Variants in RNF220 observed in about 807,000 individuals in gnomAD.
The protein encoded by RNF220 is ring finger protein 220.
A neutral mutation model predicts 67.1 loss-of-function variants in RNF220; 7 were observed. The observed-to-expected ratio is 0.10, with a 90% CI of 0.06 to 0.20. The LOEUF (loss-of-function observed/expected upper bound fraction) is 0.20, where lower values mean the gene tolerates loss of function less well. Among genes scored for constraint, RNF220 ranks in the 10% least tolerant of loss-of-function variants. The pLI, the probability that RNF220 is intolerant of heterozygous loss-of-function variation, is 1.00. For synonymous variants in RNF220, 270 were observed against 283.2 expected (o/e 0.95, Z 0.47); for missense variants, 565 against 740.3 (o/e 0.76, Z 2.75).
intron 2 of RNF220, among the ~76,000 whole-genome samples, chr1:44,461,735 A>G (rs911864195): frequency 2.0e-5 from 3 of 152,182 alleles, no homozygotes; most frequent in Non-Finnish European, 2.9e-5. Flanking sequence ...ATGCTCTGCA[A>G]TGGAAGAGAA....
intron 2 of RNF220, among the ~76,000 whole-genome samples, chr1:44,536,690 C>CT (rs1259030609): frequency 6.6e-6 from 1 of 152,236 alleles, no homozygotes; most frequent in East Asian, 1.9e-4. Flanking sequence ...AAAGGCCCCC[C>CT]TCTGCTGCTG....
intron 2 of RNF220, among the ~76,000 whole-genome samples, chr1:44,456,771 A>T (rs1018902987): frequency 6.6e-6 from 1 of 152,088 alleles, no homozygotes; most frequent in Admixed American, 6.5e-5. Flanking sequence ...TGAAGATCGA[A>T]CTTATATTGC....
At chr1:44,604,228 C>T (rs558489945) in intron 2 of RNF220, among the ~76,000 whole-genome samples, 1 of 152,274 alleles carries the variant, frequency 6.6e-6, no homozygotes, top group African/African-American at 2.4e-5. Flanking sequence ...ATGTGTGTGT[C>T]CAGACACTTG....
chr1:44,611,109 G>A (rs544620951), intron 2 of RNF220, among the ~76,000 whole-genome samples: 5 of 152,162 alleles, frequency 3.3e-5, no homozygotes, highest in Non-Finnish European at 5.9e-5. Context: ...AGAACACAGC[G>A]GGGGAGGGGA....
chr1:44,552,860 C>T (rs1190867245), intron 2 of RNF220, among the ~76,000 whole-genome samples: 2 of 152,118 alleles, frequency 1.3e-5, no homozygotes. Flanking sequence ...TGAGCCACTG[C>T]GCCCGGCCTC....
chr1:44,494,312 C>A (rs1657133334), intron 2 of RNF220, among the ~76,000 whole-genome samples: 1 of 151,142 alleles, frequency 6.6e-6, no homozygotes. Context: ...CGGGGCTAGA[C>A]AATCTATTAG....
intron 2 of RNF220, among the ~76,000 whole-genome samples, chr1:44,426,893 AT>A (rs1193716472): frequency 2.0e-5 from 3 of 152,140 alleles, no homozygotes; most frequent in Non-Finnish European, 4.4e-5. Flanking sequence ...TTCTCCTCCC[AT>A]TTAGTCCCAG....
rs1665479414 is a variant in RNF220, at chr1:44,583,608, A to G, written c.626-30557A>G. Among the ~76,000 whole-genome samples the G allele has an allele frequency of 2.0e-5, 3 of 152,264 alleles. No homozygotes were observed. The South Asian group carries it at 6.2e-4, about 31-fold the overall frequency. ...CTGGATTATTTCGAGAATCAAAAGAATCAAAGAACATCACTTCTGTGATGT... is the reference window on the plus strand; with the variant it reads ...CTGGATTATTTCGAGAATCAAAAGAGTCAAAGAACATCACTTCTGTGATGT... On this transcript the variant is annotated intron_variant, in intron 2 of 14. Transcript: ENST00000361799.
intron 2 of RNF220, among the ~76,000 whole-genome samples, chr1:44,579,020 C>T (rs1665038311): frequency 2.0e-5 from 3 of 151,624 alleles, no homozygotes; most frequent in Non-Finnish European, 2.9e-5. Flanking sequence ...AAAAAAATTA[C>T]AGGCAGGCGC....
rs541437323 is a variant in RNF220, at chr1:44,412,458, C to T, written c.361C>T (p.Arg121Trp). ...GAATCATAGTGGTGTGGGGGCTTTC[C>T]GGCCCTTTGCCTCCACCGAGGACCG... ...MLNHSGVGAFRPFASTEDRES... is the reference protein window; with the variant it reads ...MLNHSGVGAFWPFASTEDRES... Residue 121 changes from arginine (R) to tryptophan (W), a missense_variant, in exon 2 of 15, where the codon CGG becomes TGG. Physicochemically the swap from Arg to Trp is moderately radical, Grantham distance 101. Coordinates refer to ENST00000361799, the MANE Select transcript of RNF220 (RefSeq NM_018150.4). The surrounding 1 kb of genome is among the most constrained non-coding windows in gnomAD (Gnocchi z 5.3). 8.7e-6 allele frequency: 14 copies of T among 1,611,452 alleles called. No homozygotes were observed. Among genetic ancestry groups the T allele is most frequent in the Admixed American group, 1.7e-5 (1 of 59,936 alleles).
In RNF220 at chr1:44,599,439, G is replaced by A. The variant is rs147089573; in HGVS notation, c.626-14726G>A. On this transcript the variant is annotated intron_variant, in intron 2 of 14. Coordinates refer to ENST00000361799, the MANE Select transcript of RNF220 (RefSeq NM_018150.4). ...TGTAATCCCAGCACTTTGGGAGGCC[G>A]AGGTGGACGGACTGCTTGAGCTCAA... Among the ~76,000 whole-genome samples, 816 of 152,256 alleles carry A rather than the reference G, an allele frequency of 5.4e-3. 9 individuals carry two copies. Among genetic ancestry groups the A allele is most frequent in the African/African-American group, 0.019 (773 of 41,564 alleles).
Position 44,631,779 on chromosome 1 carries a change from G to C in RNF220, c.907-564G>C, listed in dbSNP as rs1022679250. On this transcript the variant is annotated intron_variant, in intron 5 of 14. Transcript: ENST00000361799. Reference sequence around the variant, plus strand: ...CCCGCAGCGGGAGGGGTCGTGGAGTGGGGTGGAAGGACTTCGCAGCCGCTA... The same window carrying C: ...CCCGCAGCGGGAGGGGTCGTGGAGTCGGGTGGAAGGACTTCGCAGCCGCTA... 3.1e-4 allele frequency: 134 copies of C among 431,256 alleles called. 1 individual carries two copies. The highest frequency in any genetic ancestry group is 2.8e-3 in the African/African-American group (130 of 46,358). The allele number at this position is 431,256 out of a possible 1,614,324, so 26.7% of individuals were successfully genotyped here. A position where few individuals can be genotyped will look rare whatever the true frequency, so the allele number is the denominator to read the frequency against.
At chr1:44,472,263 C>A (rs974160558) in intron 2 of RNF220, among the ~76,000 whole-genome samples, 2 of 152,154 alleles carry the variant, frequency 1.3e-5, no homozygotes, top group African/African-American at 4.8e-5. Flanking sequence ...CACGTGATAA[C>A]TGTATGTTTA....
At chr1:44,637,854 CAG>C (rs1388326942) in intron 8 of RNF220, among the ~76,000 whole-genome samples, 3 of 152,246 alleles carry the variant, frequency 2.0e-5, no homozygotes, top group Admixed American at 6.5e-5. Context: ...GAAGAGGGAA[CAG>C]GGGCCGGAGG....
Position 44,579,710 on chromosome 1 carries a change from C to T in RNF220, c.626-34455C>T, listed in dbSNP as rs1485114281. Among the ~76,000 whole-genome samples, 5 of 152,186 alleles carry T rather than the reference C, an allele frequency of 3.3e-5. No individual in the cohort carries two copies. The South Asian group carries it at 1.0e-3, about 32-fold the overall frequency. ...TGACCTCCTCTGCTTAAGTAAGTCC[C>T]CACTGAGGTCCTGACCTATCTTTGG... On this transcript the variant is annotated intron_variant, in intron 2 of 14. Coordinates refer to ENST00000361799, the MANE Select transcript of RNF220 (RefSeq NM_018150.4).
intron 2 of RNF220, among the ~76,000 whole-genome samples, chr1:44,448,401 G>T (rs1652325026): frequency 6.6e-6 from 1 of 152,158 alleles, no homozygotes; most frequent in East Asian, 1.9e-4. Context: ...TTGAGTTTCT[G>T]GACTAGCAAG....
intron 2 of RNF220, among the ~76,000 whole-genome samples, chr1:44,571,872 G>C (rs1325775706): frequency 6.6e-6 from 1 of 152,154 alleles, no homozygotes; most frequent in Non-Finnish European, 1.5e-5. Context: ...CCAGAAACCT[G>C]AGATTATTAC....
At chr1:44,608,351 A>G (rs771620406) in intron 2 of RNF220, among the ~76,000 whole-genome samples, 1 of 152,244 alleles carries the variant, frequency 6.6e-6, no homozygotes, top group Non-Finnish European at 1.5e-5. Flanking sequence ...CATCTGTGCT[A>G]TAGCGACCCC....
At chr1:44,488,707 CCTTTTT>C (rs984933022) in intron 2 of RNF220, among the ~76,000 whole-genome samples, 7 of 150,982 alleles carry the variant, frequency 4.6e-5, no homozygotes, top group African/African-American at 9.7e-5. Context: ...TAGTACTTAG[CCTTTTT>C]CTTTTTCTTT....
Sources: gnomAD v4.1 joint callset for allele counts (sites outside exome capture counted in the v4.1 genomes callset) on GRCh38, gnomAD v4.1.1 for gene constraint, Gnocchi (gnomAD v3.1) non-coding constraint, MANE v1.5 for transcripts, NCBI Gene and HGNC (gene_info 2026-07-23, HGNC 2026-07-21) for gene names.